The following LILRB1 variants were observed in gnomAD, a reference collection of about 807,000 sequenced individuals.
LILRB1 encodes the protein leukocyte immunoglobulin like receptor B1.
A neutral mutation model predicts 74.6 loss-of-function variants in LILRB1; 59 were observed. The ratio of observed to expected loss-of-function variants is 0.79; its 90% CI spans 0.64 to 0.98. The LOEUF (loss-of-function observed/expected upper bound fraction) is 0.98, where lower values mean the gene tolerates loss of function less well. Among genes scored for constraint, LILRB1 ranks in the 50% least tolerant of loss-of-function variants. The pLI is 0.00. For synonymous variants in LILRB1, 328 were observed against 333.9 expected, an observed-to-expected ratio of 0.98 and a Z score of 0.19; for missense variants, 804 against 822.6, an observed-to-expected ratio of 0.98 and a Z score of 0.28.
upstream of LILRB1, among the ~76,000 whole-genome samples, chr19:54,625,744 G>A (rs1322513139): frequency 1.0e-5 from 1 of 98,140 alleles, no homozygotes; most frequent in Non-Finnish European, 2.0e-5. Flanking sequence ...AGGGAGCCTC[G>A]CACTCACTCA....
At chr19:54,634,502 T>G in intron 9 of LILRB1, 139 bp from the exon 10 acceptor site, 4 of 1,518,260 alleles carry the variant, frequency 2.6e-6, no homozygotes, top group Non-Finnish European at 2.7e-6. Flanking sequence ...ATCTGTACAG[T>G]GGGTGGGGTG....
chr19:54,625,766 T>C (rs1176540099), upstream of LILRB1, among the ~76,000 whole-genome samples: 1 of 146,560 alleles, frequency 6.8e-6, no homozygotes, highest in Non-Finnish European at 1.5e-5. Flanking sequence ...CCCTTCCCCA[T>C]GTTAGGGAAT....
rs966695183 is a variant in LILRB1 at position 54,634,527 on chromosome 19, G to T, written c.1364-114G>T. 1.6e-5 allele frequency: 25 copies of T among 1,522,784 alleles called. No individual in the cohort carries two copies. In the African/African-American group the frequency reaches 3.2e-4, roughly 19 times the overall value. 94.3% of individuals were successfully genotyped at this position (1,522,784 alleles called of 1,614,324 possible). ...TGGGTGGGGTGGATGTTTCTGTGCT[G>T]CACGACTGTTGTGGGGGTTGGAGGT... On this transcript the variant is annotated intron_variant, in intron 9 of 14. Transcript: ENST00000324602.
Position 54,631,104 on chromosome 19 carries a change from C to G in LILRB1, c.31C>G (p.Leu11Val), listed in dbSNP as rs756594142. MTPILTVLICLGLSLGPRTHV... is the reference protein window; with the variant it reads MTPILTVLICVGLSLGPRTHV... ...CCCCATCCTCACGGTCCTGATCTGTCTCGGTGAGATTTGAAGAAGGAGGGG... is the reference window on the plus strand; with the variant it reads ...CCCCATCCTCACGGTCCTGATCTGTGTCGGTGAGATTTGAAGAAGGAGGGG... The change falls in exon 2 of 15, where the codon CTC (leucine) becomes GTC (valine). Residue 11 changes from leucine to valine, a missense_variant. Transcript: ENST00000324602. 1.2e-6 allele frequency: 2 copies of G among 1,614,162 alleles called. No homozygotes were observed. Among genetic ancestry groups the G allele is most frequent in the Non-Finnish European group, 1.7e-6 (2 of 1,180,016 alleles).
chr19:54,627,938 A>G (rs2063641408), upstream of LILRB1, among the ~76,000 whole-genome samples: 1 of 152,174 alleles, frequency 6.6e-6, no homozygotes, highest in Non-Finnish European at 1.5e-5. Context: ...ACTCAGCAAG[A>G]CCATTTTTAT....
chr19:54,630,338 G>A (rs528188179), upstream of LILRB1: 1 of 295,474 alleles, frequency 3.4e-6, no homozygotes, highest in Non-Finnish European at 6.8e-6. Context: ...AGGCAGGAAA[G>A]ACTCAGAGAT....
rs757929336 is a variant in LILRB1 at position 54,634,684 on chromosome 19, C to T, written c.1407C>T (p.Ala469=). The stretch of plus-strand genomic sequence containing the variant: ...GGGTTGTGATCGGCATCTTGGTGGC[C>T]GTCATCCTACTGCTCCTCCTCCTCC... ...HLGVVIGILV[A]VILLLLLLLL... Residue 469 remains alanine (A), a synonymous_variant, in exon 10 of 15, where the codon GCC becomes GCT. Transcript: ENST00000324602. 2.1e-5 allele frequency: 34 copies of T among 1,613,780 alleles called. No individual in the cohort carries two copies. The highest frequency in any genetic ancestry group is 1.8e-5 in the Non-Finnish European group (21 of 1,179,936).
chr19:54,634,469 C>T lies in LILRB1; in HGVS notation c.1364-172C>T, dbSNP rs2146285682. The stretch of plus-strand genomic sequence containing the variant: ...GCTGGGGGCCCCGGGCAGGCGATTC[C>T]CCTCTCTGAGCGTCAGTTTTTCATC... On this transcript the variant is annotated intron_variant, in intron 9 of 14. Transcript: ENST00000324602. 8.6e-6 allele frequency: 13 copies of T among 1,513,734 alleles called. No homozygotes were observed. In the South Asian group the frequency reaches 1.3e-4, roughly 15 times the overall value. The allele number at this position is 1,513,734 out of a possible 1,614,324, so 93.8% of individuals were successfully genotyped here. A position where few individuals can be genotyped will look rare whatever the true frequency, so the allele number is the denominator to read the frequency against.
At chr19:54,633,435 A>C in intron 7 of LILRB1, 117 bp downstream of exon 7, 1 of 1,398,706 alleles carries the variant, frequency 7.1e-7, no homozygotes, top group South Asian at 1.4e-5. Flanking sequence ...AGCCAGTGGG[A>C]GACTCACCCT....
chr19:54,636,033 A>G (rs767290463), intron 13 of LILRB1: 82 of 542,820 alleles, frequency 1.5e-4, no homozygotes, highest in Non-Finnish European at 1.2e-4. Flanking sequence ...TCGTGGTGGG[A>G]GACAAAATGC....
chr19:54,633,620 T>G lies in LILRB1; in HGVS notation c.1262-18T>G, dbSNP rs1217320881. 1.2e-6 allele frequency: 2 copies of G among 1,611,014 alleles called. No homozygotes were observed. The highest frequency in any genetic ancestry group is 3.4e-5 in the Admixed American group (2 of 59,574). ...GGAAAGCCCCAGCTCCTCAGCCTCC[T>G]CTCATTCTTTTACCCAGGACCGTCT... On this transcript the variant is annotated intron_variant, in intron 7 of 14. Transcript: ENST00000324602.
At chr19:54,623,639 T>C (rs1320970584) in intron 1 of LILRB1, among the ~76,000 whole-genome samples, 1 of 152,240 alleles carries the variant, frequency 6.6e-6, no homozygotes, top group Non-Finnish European at 1.5e-5. Context: ...GTAATGTTTT[T>C]GTCTCAATCT....
intron 7 of LILRB1, 125 bp from the exon 8 acceptor site, chr19:54,633,513 G>A: frequency 8.3e-7 from 1 of 1,209,196 alleles, no homozygotes; most frequent in Non-Finnish European, 1.2e-6. Flanking sequence ...CAGCATCATG[G>A]ACAGGAGAGG....
Position 54,634,028 on chromosome 19 carries a change from G to A in LILRB1, c.1363+7G>A, listed in dbSNP as rs1432717700. ...GGGTCGGATCCCCAGAGTGGTGAGT[G>A]ACGGGCTCTGAGTGGGAGGTGGGCA... On this transcript the variant is annotated splice_region_variant and intron_variant, in intron 9 of 14. Transcript: ENST00000324602. 6.3e-7 allele frequency: 1 copy of A among 1,589,740 alleles called. No individual in the cohort carries two copies. The highest frequency in any genetic ancestry group is 2.3e-5 in the East Asian group (1 of 44,184).
At chr19:54,625,186 G>C (rs2781759) in intron 1 of LILRB1, among the ~76,000 whole-genome samples, 68,298 of 131,194 alleles carry the variant, frequency 0.52, 18,937 homozygotes, top group Non-Finnish European at 0.62. Flanking sequence ...CCAGGGCCAC[G>C]GTGTTCGGGT....
chr19:54,633,470 C>A, intron 7 of LILRB1, 152 bp downstream of exon 7: 1 of 1,264,406 alleles, frequency 7.9e-7, no homozygotes, highest in South Asian at 1.5e-5. Flanking sequence ...AGAACAGGGC[C>A]CTCCCAGGCC....
upstream of LILRB1, among the ~76,000 whole-genome samples, chr19:54,628,189 G>T (rs2063649431): frequency 6.6e-6 from 1 of 152,226 alleles, no homozygotes; most frequent in Non-Finnish European, 1.5e-5. Context: ...GCTGAGAAAG[G>T]TGAAAACACC....
In LILRB1 at chr19:54,633,692, A is replaced by G. The variant is rs2064125939; in HGVS notation, c.1312+4A>G. On this transcript the variant is annotated splice_donor_region_variant and intron_variant, in intron 8 of 14. Transcript: ENST00000324602. ...ACAGGCCCCACCTCCACATCTGGTG[A>G]GTCCCTGAGGCTTCTGAACTCAAGG... is the stretch of plus-strand genomic sequence containing the variant. The G allele has an allele frequency of 6.2e-7, 1 of 1,613,532 alleles. No individual in the cohort carries two copies. The highest frequency in any genetic ancestry group is 1.3e-5 in the African/African-American group (1 of 74,994).
rs776464898 is a variant in LILRB1, at chr19:54,632,258, C to T, written c.661+21C>T. 4 of 1,603,214 alleles carry T rather than the reference C, an allele frequency of 2.5e-6. No individual in the cohort carries two copies. The East Asian group carries it at 6.7e-5, about 27-fold the overall frequency. On this transcript the variant is annotated intron_variant, in intron 5 of 14. Coordinates refer to ENST00000324602, the MANE Select transcript of LILRB1 (RefSeq NM_001081637.3). ...CCTAGGTGAGAAATTCACAGCATTG[C>T]CTGGAGTTCCCTGAGTCTCCAGGCA...
Sources: gnomAD v4.1 joint callset for allele counts (sites outside exome capture counted in the v4.1 genomes callset) on GRCh38, gnomAD v4.1.1 for gene constraint, MANE v1.5 for transcripts, NCBI Gene and HGNC (gene_info 2026-07-23, HGNC 2026-07-21) for gene names.